USP49: variants seen among roughly 807,000 people sequenced by gnomAD.
USP49 encodes the protein ubiquitin specific peptidase 49.
In USP49, 24 loss-of-function variants were observed where a neutral mutation model predicts 58.6. That is an observed-to-expected ratio of 0.41 (90% CI 0.30 to 0.58). The LOEUF is 0.58. USP49 is among the 20% of genes least tolerant of loss of function. The pLI, the probability that USP49 is intolerant of heterozygous loss-of-function variation, is 0.30. For synonymous variants in USP49, 408 were observed against 365.1 expected (o/e 1.12, Z -1.34); for missense variants, 703 against 866.1 (o/e 0.81, Z 2.36).
intron 3 of USP49, among the ~76,000 whole-genome samples, chr6:41,817,081 C>T (rs768623121): frequency 6.6e-6 from 1 of 151,598 alleles, no homozygotes; most frequent in Non-Finnish European, 1.5e-5. Context: ...CTCAAGTGAT[C>T]CTCCTGCCTC....
intron 3 of USP49, among the ~76,000 whole-genome samples, chr6:41,823,990 G>A (rs1320054330): frequency 1.3e-5 from 2 of 152,170 alleles, no homozygotes; most frequent in African/African-American, 4.8e-5. Context: ...TAAAGTTGGA[G>A]AGCACTAATA....
At chr6:41,834,375 T>A (rs950793027) in intron 3 of USP49, among the ~76,000 whole-genome samples, 1 of 152,184 alleles carries the variant, frequency 6.6e-6, no homozygotes, top group Non-Finnish European at 1.5e-5. Context: ...ATTTTTCATA[T>A]CTTCTCTAGT....
chr6:41,823,416 T>A lies in USP49; in HGVS notation c.-28-16405A>T, dbSNP rs147968415. On this transcript the variant is annotated intron_variant, in intron 3 of 7. Coordinates refer to ENST00000682992, the MANE Select transcript of USP49 (RefSeq NM_001286554.2). ...TTCCTTAGGAAGTAAGATTTAGAGA[T>A]AGGCAATCTGGTATCTATGGTATAT... Among the ~76,000 whole-genome samples the A allele has an allele frequency of 2.0e-4, 30 of 152,332 alleles. No homozygotes were observed. In the East Asian group the frequency reaches 5.6e-3, roughly 28 times the overall value.
At chr6:41,811,891 G>A (rs962580330) in intron 3 of USP49, among the ~76,000 whole-genome samples, 1 of 152,046 alleles carries the variant, frequency 6.6e-6, no homozygotes, top group Non-Finnish European at 1.5e-5. Context: ...ATGAAGGGGA[G>A]GGAAAAATAT....
rs1041729979 is a variant in USP49 at position 41,794,884 on chromosome 6, G to C, written c.*1649C>G. 11 of 152,178 alleles carry C rather than the reference G, an allele frequency of 7.2e-5. No homozygotes were observed. Among genetic ancestry groups the C allele is most frequent in the African/African-American group, 2.7e-4 (11 of 41,452 alleles). 9.4% of individuals were successfully genotyped at this position (152,178 alleles called of 1,614,324 possible). Reference sequence around the variant, plus strand: ...TATCAGGGTGAGCCATTTTTTGTCTGAATTTCCTCCATGTCTCAGTGCTGC... The same window carrying C: ...TATCAGGGTGAGCCATTTTTTGTCTCAATTTCCTCCATGTCTCAGTGCTGC... On this transcript the variant is annotated 3_prime_UTR_variant, in exon 8 of 8. Coordinates refer to ENST00000682992, the MANE Select transcript of USP49 (RefSeq NM_001286554.2).
In USP49 at chr6:41,790,373, T is replaced by G. The variant is rs954030711; in HGVS notation, c.*6160A>C. On this transcript the variant is annotated 3_prime_UTR_variant, in exon 8 of 8. Transcript: ENST00000682992. Reference sequence around the variant, plus strand: ...TGTTTTGTGACCCTAAAATTCATGGTAGTGCTACTGTCCAGGGTTTGGGGG... The same window carrying G: ...TGTTTTGTGACCCTAAAATTCATGGGAGTGCTACTGTCCAGGGTTTGGGGG... The G allele has an allele frequency of 1.3e-5, 2 of 152,232 alleles. No individual in the cohort carries two copies. The highest frequency in any genetic ancestry group is 4.8e-5 in the African/African-American group (2 of 41,448). The allele number at this position is 152,232 out of a possible 1,614,324, so 9.4% of individuals were successfully genotyped here. A position where few individuals can be genotyped will look rare whatever the true frequency, so the allele number is the denominator to read the frequency against.
chr6:41,879,425 G>A (rs968109495), intron 2 of USP49, among the ~76,000 whole-genome samples: 3 of 151,884 alleles, frequency 2.0e-5, no homozygotes, highest in Non-Finnish European at 2.9e-5. Flanking sequence ...ATGTAGAGAC[G>A]GAGGGTCTTT....
In USP49 at chr6:41,798,541, G is replaced by A. The variant is rs569261235; in HGVS notation, c.1876+183C>T. ...TCCACCCACCGCGGCCTCCCAAAGC[G>A]CTAGGATTACAGGTGTGAGCCACGG... is the stretch of plus-strand genomic sequence containing the variant. On this transcript the variant is annotated intron_variant, in intron 7 of 7. Transcript: ENST00000682992. 1.2e-4 allele frequency: 179 copies of A among 1,492,800 alleles called. 2 individuals are homozygous for A. In the South Asian group the frequency reaches 2.2e-3, roughly 18 times the overall value. 92.5% of individuals were successfully genotyped at this position (1,492,800 alleles called of 1,614,324 possible).
At chr6:41,797,598 A>G (rs1382615854) in intron 7 of USP49, 2 of 983,870 alleles carry the variant, frequency 2.0e-6, no homozygotes, top group African/African-American at 3.5e-5. Flanking sequence ...TTGCATCCCC[A>G]CACTTCCCAT....
intron 3 of USP49, among the ~76,000 whole-genome samples, chr6:41,861,256 A>G (rs183573554): frequency 1.3e-5 from 2 of 152,182 alleles, no homozygotes; most frequent in East Asian, 3.9e-4. Flanking sequence ...ATCCTGGTTA[A>G]CATGGTGAAA....
intron 3 of USP49, among the ~76,000 whole-genome samples, chr6:41,812,842 T>C (rs1773282716): frequency 6.6e-6 from 1 of 152,260 alleles, no homozygotes. Context: ...ATTCTCTATA[T>C]ATCAATGAGA....
intron 3 of USP49, among the ~76,000 whole-genome samples, chr6:41,840,298 C>T (rs1773801373): frequency 6.7e-6 from 1 of 149,346 alleles, no homozygotes; most frequent in South Asian, 2.1e-4. Flanking sequence ...GGCGTCAACC[C>T]GGGAGGCGGA....
In USP49 at chr6:41,803,810, A is replaced by G. The variant is rs780319855; in HGVS notation, c.1557T>C (p.Cys519=). ...LEGRIYACDQ[C]NSKRRKSNPK... ...CCTCCTCCACACAGCACTCACTGTT[A>G]CACTGGTCACAAGCGTAGATTCTCC... Residue 519 remains cysteine (C), a synonymous_variant, in exon 5 of 8, where the codon TGT becomes TGC. Transcript: ENST00000682992. The surrounding 1 kb of genome is among the most constrained non-coding windows in gnomAD (Gnocchi z 4.1). 1.2e-6 allele frequency: 2 copies of G among 1,614,110 alleles called. No individual in the cohort carries two copies. The highest frequency in any genetic ancestry group is 8.5e-7 in the Non-Finnish European group (1 of 1,179,954).
At chr6:41,885,089 T>C (rs1216200786) in intron 2 of USP49, among the ~76,000 whole-genome samples, 2 of 152,230 alleles carry the variant, frequency 1.3e-5, no homozygotes, top group East Asian at 1.9e-4. Context: ...ATTTGTTCTA[T>C]GTAACGCCCT....
At chr6:41,809,658 C>T (rs1012300785) in intron 3 of USP49, among the ~76,000 whole-genome samples, 6 of 151,320 alleles carry the variant, frequency 4.0e-5, no homozygotes, top group African/African-American at 1.5e-4. Context: ...AACCCCAACT[C>T]TACTAAAAAT....
intron 2 of USP49, among the ~76,000 whole-genome samples, chr6:41,878,090 T>G (rs1165142924): frequency 6.6e-6 from 1 of 152,158 alleles, no homozygotes; most frequent in African/African-American, 2.4e-5. Flanking sequence ...CCAAAAGAGC[T>G]GCAAAGATCA....
chr6:41,851,969 A>G (rs1386814497), intron 3 of USP49, among the ~76,000 whole-genome samples: 1 of 150,390 alleles, frequency 6.6e-6, no homozygotes, highest in Non-Finnish European at 1.5e-5. Context: ...AAAAAAAAAA[A>G]AAAAAAAGAA....
intron 3 of USP49, among the ~76,000 whole-genome samples, chr6:41,851,952 C>CAAAAAAAAAAAAA (rs67716441): frequency 4.0e-4 from 22 of 54,868 alleles, no homozygotes; most frequent in Admixed American, 8.0e-4. Context: ...AGACTCGTCT[C>CAAAAAAAAAAAAA]AAAAAAAAAA....
At position 41,795,520 on chromosome 6, in the gene USP49, A is replaced by G. The variant is rs1317201654; in HGVS notation, c.*1013T>C. The G allele has an allele frequency of 6.6e-6, 1 of 152,214 alleles. No homozygotes were observed. Among genetic ancestry groups the G allele is most frequent in the Non-Finnish European group, 1.5e-5 (1 of 68,042 alleles). 9.4% of individuals were successfully genotyped at this position (152,214 alleles called of 1,614,324 possible). On this transcript the variant is annotated 3_prime_UTR_variant, in exon 8 of 8. Coordinates refer to ENST00000682992, the MANE Select transcript of USP49 (RefSeq NM_001286554.2). Reference sequence around the variant, plus strand: ...AGCAGTTAACATACCCTAGAGAACCAAAAGCTCCCAAACCCTGTGAACATG... The same window carrying G: ...AGCAGTTAACATACCCTAGAGAACCGAAAGCTCCCAAACCCTGTGAACATG...
Sources: allele counts gnomAD v4.1 joint callset (sites outside exome capture counted in the v4.1 genomes callset), GRCh38; gene constraint gnomAD v4.1.1; non-coding constraint Gnocchi (gnomAD v3.1); transcripts MANE v1.5; gene names NCBI Gene and HGNC (gene_info 2026-07-23, HGNC 2026-07-21).